CORIN: variants seen among roughly 807,000 people sequenced by gnomAD.
CORIN encodes corin, serine peptidase, also known as atrial natriuretic peptide-converting enzyme.
CORIN carries 117 observed loss-of-function variants against 125.3 expected under a neutral mutation model. The ratio of observed to expected loss-of-function variants is 0.93; its 90% CI spans 0.80 to 1.09. The LOEUF (loss-of-function observed/expected upper bound fraction) is 1.09, where lower values mean the gene tolerates loss of function less well. CORIN is among the 50% of genes least tolerant of loss of function. The pLI, the probability that CORIN is intolerant of heterozygous loss-of-function variation, is 0.00. For missense variants in CORIN, 1,253 were observed against 1,306.7 expected (o/e 0.96, Z 0.63); for synonymous variants, 450 against 466.4 (o/e 0.96, Z 0.45).
chr4:47,597,565 G>A (rs974660563), intron 21 of CORIN, among the ~76,000 whole-genome samples: 2 of 151,870 alleles, frequency 1.3e-5, no homozygotes, highest in Admixed American at 6.6e-5. Context: ...ATGCTTAGAC[G>A]AAAAAGAAAA....
chr4:47,626,556 G>T, intron 16 of CORIN, 35 bp from the exon 17 acceptor site: 1 of 1,281,846 alleles, frequency 7.8e-7, no homozygotes, highest in Non-Finnish European at 1.1e-6. Context: ...AGTATTCAAA[G>T]TACAATGATC....
rs1472837633 is a variant in CORIN, at chr4:47,656,182, T to C, written c.1736-2522A>G. On this transcript the variant is annotated intron_variant, in intron 12 of 21. Transcript: ENST00000273857. Reference sequence around the variant, plus strand: ...TTTTTTTTTTTTTTTTGAGATGGAGTTTCTCCCTTGTCGCCCAGGCTGGAG... The same window carrying C: ...TTTTTTTTTTTTTTTTGAGATGGAGCTTCTCCCTTGTCGCCCAGGCTGGAG... Among the ~76,000 whole-genome samples, 3 of 145,652 alleles carry C rather than the reference T, an allele frequency of 2.1e-5. No individual in the cohort carries two copies. In the East Asian group the frequency reaches 6.0e-4, roughly 29 times the overall value.
chr4:47,740,250 T>C (rs557051943), intron 5 of CORIN, among the ~76,000 whole-genome samples: 187 of 152,042 alleles, frequency 1.2e-3, no homozygotes, highest in African/African-American at 4.2e-3. Flanking sequence ...TTACACATAT[T>C]TTCTATTGCT....
chr4:47,825,398 A>G (rs547050704), intron 1 of CORIN, among the ~76,000 whole-genome samples: 1 of 152,314 alleles, frequency 6.6e-6, no homozygotes, highest in African/African-American at 2.4e-5. Context: ...TGTTAGACAC[A>G]TGAATTCTTG....
chr4:47,815,660 C>T (rs1732235029), intron 1 of CORIN, among the ~76,000 whole-genome samples: 1 of 151,998 alleles, frequency 6.6e-6, no homozygotes, highest in Non-Finnish European at 1.5e-5. Flanking sequence ...TAGGTATATA[C>T]AATATCAGAA....
At chr4:47,722,413 TC>T (rs1259701423) in intron 5 of CORIN, among the ~76,000 whole-genome samples, 2 of 152,228 alleles carry the variant, frequency 1.3e-5, no homozygotes, top group African/African-American at 4.8e-5. Context: ...TTCCTTTTTT[TC>T]ATCTGACAAA....
rs1045381368 is a variant in CORIN at position 47,838,014 on chromosome 4, G to T, written c.-65C>A. 1 of 1,598,246 alleles carries T rather than the reference G, an allele frequency of 6.3e-7. No individual in the cohort carries two copies. The highest frequency in any genetic ancestry group is 2.2e-5 in the East Asian group (1 of 44,820). ...TTGGTCGCTTTTCTCTCCTCTACGT[G>T]TCCCCCGGGGAGGCACTACGGATGA... On this transcript the variant is annotated 5_prime_UTR_variant, in exon 1 of 22. Transcript: ENST00000273857.
intron 16 of CORIN, among the ~76,000 whole-genome samples, chr4:47,628,057 C>G (rs1479977561): frequency 6.6e-6 from 1 of 152,132 alleles, no homozygotes; most frequent in Non-Finnish European, 1.5e-5. Context: ...GATGGAATTT[C>G]TCAGTTATAA....
intron 3 of CORIN, among the ~76,000 whole-genome samples, chr4:47,772,614 A>G (rs1448208238): frequency 6.6e-6 from 1 of 152,140 alleles, no homozygotes; most frequent in African/African-American, 2.4e-5. Flanking sequence ...CCTGGCTACT[A>G]TTTTATATTT....
At chr4:47,822,024 G>A (rs567517523) in intron 1 of CORIN, among the ~76,000 whole-genome samples, 1 of 152,200 alleles carries the variant, frequency 6.6e-6, no homozygotes, top group South Asian at 2.1e-4. Context: ...TTAAGATTAA[G>A]TTGTATATTA....
At chr4:47,829,536 C>T (rs1212728107) in intron 1 of CORIN, among the ~76,000 whole-genome samples, 3 of 152,208 alleles carry the variant, frequency 2.0e-5, no homozygotes, top group Non-Finnish European at 4.4e-5. Context: ...GTTATGGGAA[C>T]CCCTGATTCA....
At chr4:47,797,904 T>G (rs965916515) in intron 2 of CORIN, among the ~76,000 whole-genome samples, 12 of 152,116 alleles carry the variant, frequency 7.9e-5, no homozygotes, top group African/African-American at 2.9e-4. Flanking sequence ...AAGCCAGACT[T>G]TCTAGTGCCA....
chr4:47,817,887 A>G (rs1732344461), intron 1 of CORIN, among the ~76,000 whole-genome samples: 1 of 152,202 alleles, frequency 6.6e-6, no homozygotes, highest in South Asian at 2.1e-4. Context: ...TAGATTTCAT[A>G]GACCTAATTC....
At chr4:47,632,619 TTCA>T (rs1254794656) in intron 16 of CORIN, among the ~76,000 whole-genome samples, 3 of 152,198 alleles carry the variant, frequency 2.0e-5, no homozygotes, top group Admixed American at 1.3e-4. Context: ...CAGCAAAACT[TTCA>T]TCAATAGAAA....
rs553360355 is a variant in CORIN, at chr4:47,622,742, G to A, written c.2540+829C>T. ...TCTCCAGCAAGAAGGAATTCTGCCA[G>A]CAGATTGAACTGCAACTCTTGCCCG... On this transcript the variant is annotated intron_variant, in intron 19 of 21. Coordinates refer to ENST00000273857, the MANE Select transcript of CORIN (RefSeq NM_006587.4). Among the ~76,000 whole-genome samples, 49 of 152,306 alleles carry A rather than the reference G, an allele frequency of 3.2e-4. 1 individual carries two copies. In the South Asian group the frequency reaches 9.8e-3, roughly 30 times the overall value.
intron 1 of CORIN, among the ~76,000 whole-genome samples, chr4:47,828,331 C>T (rs377670185): frequency 6.6e-6 from 1 of 152,302 alleles, no homozygotes. Context: ...TCCAGAAAAA[C>T]CAAACTTTGA....
At chr4:47,680,066 G>T in intron 8 of CORIN, 75 bp downstream of exon 8, 1 of 900,858 alleles carries the variant, frequency 1.1e-6, no homozygotes. Context: ...CTTAAGTACA[G>T]TCCTCAACCT....
At chr4:47,817,392 G>C (rs1732319916) in intron 1 of CORIN, among the ~76,000 whole-genome samples, 1 of 152,008 alleles carries the variant, frequency 6.6e-6, no homozygotes, top group Non-Finnish European at 1.5e-5. Context: ...AACACACATG[G>C]AGTGATTATT....
intron 5 of CORIN, among the ~76,000 whole-genome samples, chr4:47,697,528 A>G (rs1185987368): frequency 6.6e-6 from 1 of 152,094 alleles, no homozygotes; most frequent in African/African-American, 2.4e-5. Context: ...AGCCTGGCCA[A>G]CATGGTGAAA....
Sources: allele counts gnomAD v4.1 joint callset (sites outside exome capture counted in the v4.1 genomes callset), GRCh38; gene constraint gnomAD v4.1.1; transcripts MANE v1.5; gene names NCBI Gene and HGNC (gene_info 2026-07-23, HGNC 2026-07-21).